Variants in GTF2B observed in about 807,000 individuals in gnomAD.
The protein encoded by GTF2B is transcription initiation factor IIB.
Under a neutral mutation model 34.6 loss-of-function variants are expected in GTF2B, and 20 were observed. That is an observed-to-expected ratio of 0.58 (90% CI 0.41 to 0.84). The LOEUF (loss-of-function observed/expected upper bound fraction) is 0.84. Ranked by LOEUF, GTF2B falls within the 40% of genes least tolerant of loss-of-function variation. The pLI is 0.00. For missense variants in GTF2B, 237 were observed against 393.3 expected, an observed-to-expected ratio of 0.60 and a Z score of 3.36; for synonymous variants, 142 against 132.4, an observed-to-expected ratio of 1.07 and a Z score of -0.50.
intron 2 of GTF2B, among the ~76,000 whole-genome samples, chr1:88,882,387 T>C (rs530969066): frequency 2.7e-5 from 4 of 149,958 alleles, no homozygotes; most frequent in African/African-American, 4.9e-5. Flanking sequence ...TTCAATCTCA[T>C]GTATGTCTGT....
rs12080145 is a variant in GTF2B, at chr1:88,872,804, T to C, written c.125-8690A>G. Among the ~76,000 whole-genome samples, 377 of 152,274 alleles carry C rather than the reference T, an allele frequency of 2.5e-3. 2 individuals carry two copies. The highest frequency in any genetic ancestry group is 8.9e-3 in the African/African-American group (369 of 41,546). On this transcript the variant is annotated intron_variant, in intron 2 of 6. Transcript: ENST00000370500. The stretch of plus-strand genomic sequence containing the variant: ...AATTACCACCTAAAAACCAGTTTTA[T>C]TGTGTTTGTCTCCTTGTGCTGTGTT...
intron 2 of GTF2B, 114 bp from the exon 3 acceptor site, chr1:88,864,228 T>C (rs1673500668): frequency 1.2e-6 from 1 of 864,070 alleles, no homozygotes; most frequent in Admixed American, 2.0e-5. Flanking sequence ...CATGGACATC[T>C]AGGACCAAGC....
In GTF2B at chr1:88,853,112, C is replaced by A. The variant is rs1394153532; in HGVS notation, c.*101G>T. ...TTCAGCCCTGGAATGCGTACCATGT[C>A]TTTTGTTTTTCCTCATGAAAGGCTC... On this transcript the variant is annotated 3_prime_UTR_variant, in exon 7 of 7. Coordinates refer to ENST00000370500, the MANE Select transcript of GTF2B (RefSeq NM_001514.6). The A allele has an allele frequency of 1.3e-5, 14 of 1,045,838 alleles. No individual in the cohort carries two copies. Among genetic ancestry groups the A allele is most frequent in the Middle Eastern group, 4.0e-4 (2 of 4,966 alleles). 64.8% of individuals were successfully genotyped at this position (1,045,838 alleles called of 1,614,324 possible).
intron 2 of GTF2B, among the ~76,000 whole-genome samples, chr1:88,868,411 G>A (rs1327171561): frequency 2.0e-5 from 3 of 152,058 alleles, no homozygotes; most frequent in Admixed American, 1.3e-4. Flanking sequence ...ATATATGCAC[G>A]ACTCCTCCCT....
intron 2 of GTF2B, among the ~76,000 whole-genome samples, chr1:88,881,430 T>C (rs947908229): frequency 2.6e-5 from 4 of 152,220 alleles, no homozygotes; most frequent in Admixed American, 2.0e-4. Context: ...AAATGTACTA[T>C]TGATATATGA....
chr1:88,882,323 A>C (rs913776269), intron 2 of GTF2B, among the ~76,000 whole-genome samples: 8 of 150,534 alleles, frequency 5.3e-5, no homozygotes, highest in African/African-American at 1.7e-4. Flanking sequence ...AAAAAAAAAA[A>C]AAAAAAAAAA....
intron 2 of GTF2B, among the ~76,000 whole-genome samples, chr1:88,885,046 T>G (rs185733523): frequency 6.6e-6 from 1 of 152,362 alleles, no homozygotes; most frequent in Non-Finnish European, 1.5e-5. Context: ...GAGCTGCACA[T>G]GTGGTTTCTG....
chr1:88,885,531 T>C (rs1239543478), intron 2 of GTF2B, among the ~76,000 whole-genome samples: 3 of 152,084 alleles, frequency 2.0e-5, no homozygotes, highest in Non-Finnish European at 4.4e-5. Flanking sequence ...TCGTATCACC[T>C]GAGGTCAGGA....
At position 88,872,435 on chromosome 1, in the gene GTF2B, AGAGT is replaced by A. The variant is rs1274121276; in HGVS notation, c.125-8325_125-8322del. ...CCATTGTACTCCAGCCTGGGCAACA[AGAGT>A]GAAACTCCATCTCAATAAAAAAAAA... On this transcript the variant is annotated intron_variant, in intron 2 of 6. Coordinates refer to ENST00000370500, the MANE Select transcript of GTF2B (RefSeq NM_001514.6). Among the ~76,000 whole-genome samples, 4 of 140,078 alleles carry A rather than the reference AGAGT, an allele frequency of 2.9e-5. No homozygotes were observed. The Admixed American group carries it at 3.0e-4, about 11-fold the overall frequency. The allele number at this position is 140,078 out of a possible 152,430, so 91.9% of individuals were successfully genotyped here.
At chr1:88,882,330 A>AAAAAAAC (rs1477364199) in intron 2 of GTF2B, among the ~76,000 whole-genome samples, 1 of 150,432 alleles carries the variant, frequency 6.6e-6, no homozygotes, top group African/African-American at 2.5e-5. Context: ...AAAAAAAAAA[A>AAAAAAAC]AAAAAAACGC....
At position 88,886,923 on chromosome 1, in the gene GTF2B, A is replaced by AT. The variant is rs201655833; in HGVS notation, c.124+337dup. Among the ~76,000 whole-genome samples, 533 of 147,380 alleles carry AT rather than the reference A, an allele frequency of 3.6e-3. 4 individuals carry two copies. Among genetic ancestry groups the AT allele is most frequent in the African/African-American group, 0.013 (507 of 37,574 alleles). On this transcript the variant is annotated intron_variant, in intron 2 of 6. Transcript: ENST00000370500. ...AAGGACCCTAAACATTATTATTATT[A>AT]TTATTTTTTTTTTGAGACGGAGTCT...
intron 2 of GTF2B, among the ~76,000 whole-genome samples, chr1:88,866,902 TGAGCA>T (rs1234113155): frequency 1.3e-5 from 2 of 152,184 alleles, no homozygotes; most frequent in African/African-American, 4.8e-5. Context: ...CATCACACAT[TGAGCA>T]GGTGGCCCGA....
At position 88,853,357 on chromosome 1, in the gene GTF2B, A is replaced by T. The variant is rs1459809940; in HGVS notation, c.818-11T>A. 4 of 1,610,880 alleles carry T rather than the reference A, an allele frequency of 2.5e-6. No individual in the cohort carries two copies. In the East Asian group the frequency reaches 8.9e-5, roughly 36 times the overall value. On this transcript the variant is annotated splice_polypyrimidine_tract_variant and intron_variant, in intron 6 of 6. Coordinates refer to ENST00000370500, the MANE Select transcript of GTF2B (RefSeq NM_001514.6). ...CAATATCTCCAATTTCTAAAAGACA[A>T]AAATCGAAACATTAACCATCATTTC...
chr1:88,876,190 T>C (rs753572888), intron 2 of GTF2B, among the ~76,000 whole-genome samples: 3 of 152,224 alleles, frequency 2.0e-5, no homozygotes, highest in Non-Finnish European at 4.4e-5. Flanking sequence ...AAATGAAACC[T>C]GATTTTTTCC....
At chr1:88,861,650 G>A (rs551566980) in intron 3 of GTF2B, among the ~76,000 whole-genome samples, 22 of 152,196 alleles carry the variant, frequency 1.4e-4, no homozygotes, top group East Asian at 9.7e-4. Flanking sequence ...GGTGACAAGC[G>A]CGAAACTCTG....
intron 2 of GTF2B, among the ~76,000 whole-genome samples, chr1:88,877,698 GAGGCAC>G (rs980181492): frequency 4.6e-5 from 7 of 152,194 alleles, no homozygotes; most frequent in African/African-American, 1.7e-4. Flanking sequence ...CTGGGAAGCC[GAGGCAC>G]GTGTATCACT....
intron 2 of GTF2B, among the ~76,000 whole-genome samples, chr1:88,885,586 A>T (rs929080282): frequency 2.7e-5 from 4 of 150,558 alleles, no homozygotes; most frequent in Non-Finnish European, 4.4e-5. Flanking sequence ...CGTCTCTACT[A>T]AAAAAAATAC....
At chr1:88,864,149 C>A in intron 2 of GTF2B, 35 bp from the exon 3 acceptor site, 2 of 1,609,512 alleles carry the variant, frequency 1.2e-6, no homozygotes, top group South Asian at 2.2e-5. Context: ...ATCATTTTGT[C>A]AAGATAGGGT....
intron 2 of GTF2B, among the ~76,000 whole-genome samples, chr1:88,880,652 ACTTTCTCCC>A (rs1372493016): frequency 6.6e-6 from 1 of 152,166 alleles, no homozygotes; most frequent in Non-Finnish European, 1.5e-5. Flanking sequence ...ATGAAAGGAT[ACTTTCTCCC>A]ACTTTTCATA....
Sources: gnomAD v4.1 joint callset for allele counts (sites outside exome capture counted in the v4.1 genomes callset) on GRCh38, gnomAD v4.1.1 for gene constraint, MANE v1.5 for transcripts, NCBI Gene and HGNC (gene_info 2026-07-23, HGNC 2026-07-21) for gene names.